CHSY1: variants seen among roughly 807,000 people sequenced by gnomAD.
The protein encoded by CHSY1 is chondroitin sulfate synthase 1.
Under a neutral mutation model 59.8 loss-of-function variants are expected in CHSY1, and 13 were observed. That is an observed-to-expected ratio of 0.22 (90% CI 0.14 to 0.35). CHSY1 has a LOEUF of 0.35. Ranked by LOEUF, CHSY1 falls within the 10% of genes least tolerant of loss-of-function variation. The pLI is 1.00. For synonymous variants in CHSY1, 459 were observed against 401.2 expected (o/e 1.14, Z -1.72); for missense variants, 947 against 1,030.6 (o/e 0.92, Z 1.11).
chr15:101,228,941 T>C (rs1308115364), intron 2 of CHSY1, among the ~76,000 whole-genome samples: 1 of 152,232 alleles, frequency 6.6e-6, no homozygotes, highest in Non-Finnish European at 1.5e-5. Flanking sequence ...AAAGATATAA[T>C]TTATTTGACA....
chr15:101,190,799 C>G (rs1224182582), intron 2 of CHSY1, among the ~76,000 whole-genome samples: 1 of 152,120 alleles, frequency 6.6e-6, no homozygotes, highest in Non-Finnish European at 1.5e-5. Flanking sequence ...AAGCACCTTG[C>G]CGAAGTTACA....
chr15:101,204,435 AAATAATAATAATAATAAT>A (rs56793692), intron 2 of CHSY1, among the ~76,000 whole-genome samples: 5 of 143,936 alleles, frequency 3.5e-5, no homozygotes, highest in Non-Finnish European at 6.2e-5. Context: ...ACTCCATCTC[AAATAATAATAATAATAAT>A]AATAATAATA....
At chr15:101,250,809 T>C (rs2039100269) in intron 1 of CHSY1, among the ~76,000 whole-genome samples, 1 of 152,136 alleles carries the variant, frequency 6.6e-6, no homozygotes, top group Non-Finnish European at 1.5e-5. Context: ...TTTCCAACAT[T>C]ATGAGGGAGA....
chr15:101,251,414 C>T lies in CHSY1; in HGVS notation c.43G>A (p.Gly15Arg). The change falls in exon 1 of 3, where the codon GGG becomes AGG. Residue 15 changes from glycine (G) to arginine (R), a missense_variant. This residue lies in a region of CHSY1 where 232 missense variants were observed against 188.5 expected (regional missense o/e 1.23). Coordinates refer to ENST00000254190, the MANE Select transcript of CHSY1 (RefSeq NM_014918.5). ...GCCAGCACGAAGCCCAGGACGAGCC[C>T]GAGCAGCACGCTGAGCCAGGCGCGC... is the stretch of plus-strand genomic sequence containing the variant. Reference protein sequence around the residue: ...GRRAWLSVLLGLVLGFVLASR... With the variant: ...GRRAWLSVLLRLVLGFVLASR... 8.8e-7 allele frequency: 1 copy of T among 1,134,528 alleles called. No individual in the cohort carries two copies. The highest frequency in any genetic ancestry group is 1.1e-6 in the Non-Finnish European group (1 of 908,486). 70.3% of individuals were successfully genotyped at this position (1,134,528 alleles called of 1,614,324 possible). A position where few individuals can be genotyped will look rare whatever the true frequency, so the allele number is the denominator to read the frequency against.
chr15:101,251,106 A>C (rs1265325684), intron 1 of CHSY1, 31 bp downstream of exon 1: 1 of 1,544,452 alleles, frequency 6.5e-7, no homozygotes, highest in Non-Finnish European at 8.7e-7. Flanking sequence ...TGCCGGACGC[A>C]GGAGGCGGTG....
At chr15:101,250,991 G>C in intron 1 of CHSY1, 146 bp downstream of exon 1, 1 of 715,908 alleles carries the variant, frequency 1.4e-6, no homozygotes, top group Non-Finnish European at 2.3e-6. Flanking sequence ...CCCTCGGCCC[G>C]GCGTCTCCCG....
chr15:101,219,588 C>T (rs531918685), intron 2 of CHSY1, among the ~76,000 whole-genome samples: 1 of 152,200 alleles, frequency 6.6e-6, no homozygotes, highest in Admixed American at 6.5e-5. Flanking sequence ...CTTCTCCAAA[C>T]AAACACCACT....
At chr15:101,241,793 T>C (rs1324903344) in intron 1 of CHSY1, among the ~76,000 whole-genome samples, 1 of 152,166 alleles carries the variant, frequency 6.6e-6, no homozygotes, top group African/African-American at 2.4e-5. Flanking sequence ...TTTCTCTCTG[T>C]AGAACTGATG....
At chr15:101,219,968 G>GGTC (rs1160284652) in intron 2 of CHSY1, among the ~76,000 whole-genome samples, 1 of 152,126 alleles carries the variant, frequency 6.6e-6, no homozygotes, top group Non-Finnish European at 1.5e-5. Context: ...TGGCCAGGCT[G>GGTC]GTCTTCAACT....
chr15:101,238,100 C>G (rs868674266), intron 1 of CHSY1, among the ~76,000 whole-genome samples: 2 of 152,148 alleles, frequency 1.3e-5, no homozygotes, highest in Middle Eastern at 3.4e-3. Flanking sequence ...TTCTATGCAT[C>G]TCTATATTGA....
At chr15:101,197,516 T>C (rs1596437144) in intron 2 of CHSY1, among the ~76,000 whole-genome samples, 1 of 152,364 alleles carries the variant, frequency 6.6e-6, no homozygotes, top group East Asian at 1.9e-4. Flanking sequence ...CAAGTCCTTG[T>C]ATCTACGATT....
chr15:101,204,270 C>T (rs1174226085), intron 2 of CHSY1, among the ~76,000 whole-genome samples: 1 of 151,938 alleles, frequency 6.6e-6, no homozygotes, highest in African/African-American at 2.4e-5. Context: ...CCCATCTCTA[C>T]TAAAAATACA....
At chr15:101,240,514 T>C (rs1409558489) in intron 1 of CHSY1, among the ~76,000 whole-genome samples, 1 of 152,270 alleles carries the variant, frequency 6.6e-6, no homozygotes, top group Admixed American at 6.5e-5. Context: ...AATGAACTGA[T>C]GTCCAACCCT....
chr15:101,189,560 T>C (rs902720103), intron 2 of CHSY1: 11 of 681,832 alleles, frequency 1.6e-5, no homozygotes, highest in Non-Finnish European at 2.0e-5. Flanking sequence ...ACTGAAGTGC[T>C]GGCAACCAGT....
At chr15:101,184,198 G>A (rs2038321662) in intron 2 of CHSY1, among the ~76,000 whole-genome samples, 2 of 152,140 alleles carry the variant, frequency 1.3e-5, no homozygotes, top group Non-Finnish European at 2.9e-5. Flanking sequence ...TTTAGAAGCT[G>A]CCTACGGTTG....
At chr15:101,233,131 T>C (rs1471028528) in intron 2 of CHSY1, among the ~76,000 whole-genome samples, 1 of 152,166 alleles carries the variant, frequency 6.6e-6, no homozygotes, top group Non-Finnish European at 1.5e-5. Context: ...CATGCACCCC[T>C]TCGCAGGCCA....
At chr15:101,243,775 T>C (rs2039025563) in intron 1 of CHSY1, among the ~76,000 whole-genome samples, 1 of 152,240 alleles carries the variant, frequency 6.6e-6, no homozygotes, top group Non-Finnish European at 1.5e-5. Context: ...TGGATTTAAC[T>C]GAAGGCCAGA....
chr15:101,205,953 A>AC (rs2038622546), intron 2 of CHSY1, among the ~76,000 whole-genome samples: 1 of 144,620 alleles, frequency 6.9e-6, no homozygotes, highest in South Asian at 2.1e-4. Flanking sequence ...CTCCGTCTCA[A>AC]AAAAAAAAAA....
Position 101,178,289 on chromosome 15 carries a change from G to C in CHSY1, c.1508C>G (p.Ser503Cys), listed in dbSNP as rs2038223774. Residue 503 changes from serine (S) to cysteine (C), a missense_variant, in exon 3 of 3, where the codon TCC (serine) becomes TGC (cysteine). Physicochemically the swap from Ser to Cys is moderately radical, Grantham distance 112. Transcript: ENST00000254190. The part of the protein sequence containing the change: ...LAKRINQESG[S>C]LSFLSNSLKK... ...CAGGGAGTTTGAGAGAAAGGACAAGGATCCAGATTCCTGATTGATTCTCTT... is the reference window on the plus strand; with the variant it reads ...CAGGGAGTTTGAGAGAAAGGACAAGCATCCAGATTCCTGATTGATTCTCTT... 6.2e-7 allele frequency: 1 copy of C among 1,610,766 alleles called. No homozygotes were observed. Among genetic ancestry groups the C allele is most frequent in the South Asian group, 1.1e-5 (1 of 91,048 alleles).
Sources: allele counts gnomAD v4.1 joint callset (sites outside exome capture counted in the v4.1 genomes callset), GRCh38; gene constraint gnomAD v4.1.1; regional missense constraint gnomAD v4.1.1; transcripts MANE v1.5; gene names NCBI Gene and HGNC (gene_info 2026-07-23, HGNC 2026-07-21).